Variants in LRRC53 observed in about 807,000 individuals in gnomAD.
LRRC53 encodes the protein leucine rich repeat containing 53.
Under a neutral mutation model 13.6 loss-of-function variants are expected in LRRC53, and 25 were observed. The observed-to-expected ratio is 1.83, with a 90% CI of 1.34 to 2.56. The LOEUF is 2.56. Ranked by LOEUF, LRRC53 falls within the 30% of genes most tolerant of loss-of-function variation. LRRC53 has a pLI of 0.00. For missense variants in LRRC53, 527 were observed against 275.8 expected (o/e 1.91, Z -6.45); for synonymous variants, 204 against 109.8 (o/e 1.86, Z -5.37).
At chr1:74,531,351 T>C in the LRRC53 span, among the ~76,000 whole-genome samples, 1 of 152,230 alleles carries the variant, frequency 6.6e-6, no homozygotes, top group Non-Finnish European at 1.5e-5. Flanking sequence ...ACTTAACTGA[T>C]AAATTAGCAA....
intron 3 of LRRC53, among the ~76,000 whole-genome samples, chr1:74,476,397 C>T (rs1668209201): frequency 6.6e-6 from 1 of 152,054 alleles, no homozygotes; most frequent in African/African-American, 2.4e-5. Context: ...AATGATTTCC[C>T]TTGTTTTTTC....
chr1:74,527,545 G>A, the LRRC53 span, among the ~76,000 whole-genome samples: 1 of 152,184 alleles, frequency 6.6e-6, no homozygotes, highest in Non-Finnish European at 1.5e-5. Context: ...GAACCAGAAA[G>A]CCACTATGGT....
chr1:74,511,702 A>G (rs948937646), intron 1 of LRRC53, among the ~76,000 whole-genome samples: 1 of 152,096 alleles, frequency 6.6e-6, no homozygotes, highest in Non-Finnish European at 1.5e-5. Flanking sequence ...ACACAGGAAG[A>G]TAAGTACTGA....
At chr1:74,517,263 C>A (rs1447230488), upstream of LRRC53, among the ~76,000 whole-genome samples, 1 of 152,172 alleles carries the variant, frequency 6.6e-6, no homozygotes, top group Non-Finnish European at 1.5e-5. Flanking sequence ...TTATTATATT[C>A]TGTCAGGTCA....
chr1:74,501,708 T>G (rs1168178225), intron 1 of LRRC53, among the ~76,000 whole-genome samples: 1 of 152,016 alleles, frequency 6.6e-6, no homozygotes, highest in Non-Finnish European at 1.5e-5. Flanking sequence ...AGGCTGGTTG[T>G]GTATTCCTGA....
chr1:74,533,386 G>A, the LRRC53 span, among the ~76,000 whole-genome samples: 1 of 152,176 alleles, frequency 6.6e-6, no homozygotes, highest in Non-Finnish European at 1.5e-5. Context: ...CAGTTAGAAT[G>A]GCGATCATTA....
chr1:74,532,135 A>C, the LRRC53 span, among the ~76,000 whole-genome samples: 1,771 of 152,316 alleles, frequency 0.012, 25 homozygotes, highest in African/African-American at 0.039. Flanking sequence ...AAAATTTTAC[A>C]CAAGATCAGA....
intron 2 of LRRC53, 134 bp downstream of exon 2, chr1:74,483,128 C>A: frequency 2.0e-6 from 1 of 491,222 alleles, no homozygotes. Context: ...TCTCTTTAGT[C>A]ATTGTATGAA....
At chr1:74,529,391 G>T in the LRRC53 span, among the ~76,000 whole-genome samples, 1 of 152,154 alleles carries the variant, frequency 6.6e-6, no homozygotes, top group African/African-American at 2.4e-5. Context: ...AGGACATTTT[G>T]CAAAATTACT....
Position 74,492,191 on chromosome 1 carries a change from A to G in LRRC53, c.-26-8816T>C, listed in dbSNP as rs1669114228. On this transcript the variant is annotated intron_variant, in intron 1 of 4. Coordinates refer to ENST00000294635, the MANE Select transcript of LRRC53 (RefSeq NM_001382280.1). ...AACCGGGGAGGACCTGGCCGGAGTC[A>G]TGTGGCAGCATTAAGAAGTCGTTTC... 3.1e-6 allele frequency: 5 copies of G among 1,613,186 alleles called. No homozygotes were observed. In the Admixed American group the frequency reaches 6.7e-5, roughly 22 times the overall value.
chr1:74,491,790 T>C (rs1457167521), intron 1 of LRRC53, among the ~76,000 whole-genome samples: 1 of 152,240 alleles, frequency 6.6e-6, no homozygotes, highest in Non-Finnish European at 1.5e-5. Context: ...GAAGAATCTT[T>C]TGATCATTGA....
rs1204768299 is a variant in LRRC53, at chr1:74,475,401, T to C, written c.1314A>G (p.Ala438=). 1 of 717,186 alleles carries C rather than the reference T, an allele frequency of 1.4e-6. No individual in the cohort carries two copies. Among genetic ancestry groups the C allele is most frequent in the Non-Finnish European group, 2.6e-6 (1 of 384,880 alleles). 44.4% of individuals were successfully genotyped at this position (717,186 alleles called of 1,614,324 possible). ...TTGGATTATATGTTGTAAGTAAGCC[T>C]GCTTCATTAAAAGCTCTCATATTTC... ...PPGNMRAFNE[A]GLLTTYNPRK... is the part of the protein sequence containing the mutation. Residue 438 remains alanine, a synonymous_variant, in exon 4 of 5, where the codon GCA becomes GCG. Transcript: ENST00000294635.
Position 74,471,113 on chromosome 1 carries a change from T to A in LRRC53, c.2509A>T (p.Thr837Ser), listed in dbSNP as rs772930860. 3.2e-5 allele frequency: 13 copies of A among 400,658 alleles called. No homozygotes were observed. Among genetic ancestry groups the A allele is most frequent in the Non-Finnish European group, 5.7e-5 (13 of 226,214 alleles). The allele number at this position is 400,658 out of a possible 1,614,324, so 24.8% of individuals were successfully genotyped here. The part of the protein sequence containing the change: ...YSAGHIPDGN[T>S]SKLPQPTPTD... The stretch of plus-strand genomic sequence containing the variant: ...GGTGTAGGTTGGGGCAATTTTGATG[T>A]GTTTCCATCAGGAATGTGGCCAGCT... Residue 837 changes from threonine to serine, a missense_variant, in exon 5 of 5, where the codon ACA becomes TCA. Thr to Ser is a moderately conservative substitution (Grantham distance 58). Transcript: ENST00000294635.
Position 74,507,818 on chromosome 1 carries a change from A to G in LRRC53, c.-27+4708T>C, listed in dbSNP as rs182918271. Among the ~76,000 whole-genome samples the G allele has an allele frequency of 2.1e-4, 32 of 152,304 alleles. No individual in the cohort carries two copies. In the East Asian group the frequency reaches 4.0e-3, roughly 19 times the overall value. On this transcript the variant is annotated intron_variant, in intron 1 of 4. Transcript: ENST00000294635. ...ATGGGCTCTGAGACTTAGGAACTTA[A>G]GTACCTTTGAAATTACAAAGGCTGA...
upstream of LRRC53, among the ~76,000 whole-genome samples, chr1:74,515,416 A>G (rs1273156148): frequency 1.3e-5 from 2 of 152,190 alleles, no homozygotes; most frequent in Non-Finnish European, 1.5e-5. Flanking sequence ...AAATAAATAT[A>G]TGGTTAACCA....
upstream of LRRC53, among the ~76,000 whole-genome samples, chr1:74,516,461 T>C (rs146943809): frequency 1.1e-4 from 16 of 152,312 alleles, no homozygotes; most frequent in South Asian, 2.5e-3. Context: ...AGTAAAGAGA[T>C]GAAGTCCTTT....
At chr1:74,492,406 CT>C in intron 1 of LRRC53, 2 of 1,163,152 alleles carry the variant, frequency 1.7e-6, no homozygotes, top group Non-Finnish European at 2.2e-6. Context: ...GCCCATTTTT[CT>C]TACGTTATGA....
At position 74,471,706 on chromosome 1, in the gene LRRC53, A is replaced by T; in HGVS notation, c.1916T>A (p.Ile639Asn). The T allele has an allele frequency of 2.5e-6, 1 of 402,532 alleles. No individual in the cohort carries two copies. Among genetic ancestry groups the T allele is most frequent in the Non-Finnish European group, 4.4e-6 (1 of 227,440 alleles). 24.9% of individuals were successfully genotyped at this position (402,532 alleles called of 1,614,324 possible). ...TKKAYSPKRV[I>N]FHDPDLVEIN... ...TTCTACTAAATCAGGATCATGGAAG[A>T]TAACCCTCTTTGGGGAATATGCTTT... Residue 639 changes from isoleucine to asparagine, a missense_variant, in exon 5 of 5, where the codon ATC becomes AAC. Ile to Asn is a moderately radical substitution (Grantham distance 149, BLOSUM62 -3). Transcript: ENST00000294635.
Position 74,480,298 on chromosome 1 carries a change from T to C in LRRC53, c.759A>G (p.Ala253=). The change falls in exon 3 of 5, where the codon GCA becomes GCG. Residue 253 remains alanine, a synonymous_variant. Coordinates refer to ENST00000294635, the MANE Select transcript of LRRC53 (RefSeq NM_001382280.1). Reference sequence around the variant, plus strand: ...GCACACTCTGTGCAGCTGCCACAGCTGCGGTAGATGGCTGGCAATTTAGGT... The same window carrying C: ...GCACACTCTGTGCAGCTGCCACAGCCGCGGTAGATGGCTGGCAATTTAGGT... The part of the protein sequence containing the change: ...AKDLNCQPST[A]AVAAAQSVLR... 2 of 717,728 alleles carry C rather than the reference T, an allele frequency of 2.8e-6. No individual in the cohort carries two copies. Among genetic ancestry groups the C allele is most frequent in the Non-Finnish European group, 5.2e-6 (2 of 385,132 alleles). 44.5% of individuals were successfully genotyped at this position (717,728 alleles called of 1,614,324 possible).
Sources: allele counts gnomAD v4.1 joint callset (sites outside exome capture counted in the v4.1 genomes callset), GRCh38; gene constraint gnomAD v4.1.1; transcripts MANE v1.5; gene names NCBI Gene and HGNC (gene_info 2026-07-23, HGNC 2026-07-21).